Variants in DPYD observed in about 807,000 individuals in gnomAD.
DPYD encodes the protein dihydropyrimidine dehydrogenase, also known as dihydropyrimidine dehydrogenase [NADP(+)].
A neutral mutation model predicts 116.2 loss-of-function variants in DPYD; 109 were observed. The observed-to-expected ratio is 0.94, with a 90% CI of 0.80 to 1.10. The LOEUF is 1.10. DPYD is among the 50% of genes least tolerant of loss of function. The pLI is 0.00. For missense variants in DPYD, 1,302 were observed against 1,254.5 expected (o/e 1.04, Z -0.57); for synonymous variants, 440 against 432.0 (o/e 1.02, Z -0.23).
intron 18 of DPYD, 148 bp from the exon 19 acceptor site, chr1:97,235,142 AGTG>A: frequency 1.1e-6 from 1 of 888,634 alleles, no homozygotes; most frequent in Non-Finnish European, 1.8e-6. Flanking sequence ...ATACATATGT[AGTG>A]TATAAATGTT....
intron 14 of DPYD, among the ~76,000 whole-genome samples, chr1:97,436,392 T>G (rs1675474863): frequency 6.6e-6 from 1 of 152,044 alleles, no homozygotes; most frequent in African/African-American, 2.4e-5. Context: ...AAGCAATTTA[T>G]AAATTGTTTC....
At chr1:97,512,844 T>C (rs1647906679) in intron 13 of DPYD, among the ~76,000 whole-genome samples, 3 of 151,908 alleles carry the variant, frequency 2.0e-5, no homozygotes, top group African/African-American at 7.2e-5. Flanking sequence ...TTACTATCTT[T>C]ATAAAACATA....
chr1:97,583,096 G>A (rs1005657895), intron 10 of DPYD, among the ~76,000 whole-genome samples: 1 of 152,012 alleles, frequency 6.6e-6, no homozygotes, highest in African/African-American at 2.4e-5. Flanking sequence ...AGCCTCCCGA[G>A]TAGCTGGGAC....
chr1:97,832,058 TG>T (rs1480999626), intron 2 of DPYD, among the ~76,000 whole-genome samples: 1 of 148,820 alleles, frequency 6.7e-6, no homozygotes, highest in African/African-American at 2.5e-5. Context: ...TGTGTGTGTG[TG>T]TGTGTGTGTG....
chr1:97,458,014 T>A (rs192187189), intron 13 of DPYD, among the ~76,000 whole-genome samples: 1 of 152,314 alleles, frequency 6.6e-6, no homozygotes, highest in Admixed American at 6.5e-5. Flanking sequence ...AGGTTTTGGA[T>A]ACACTCTGCC....
intron 13 of DPYD, among the ~76,000 whole-genome samples, chr1:97,509,910 T>A (rs746605057): frequency 6.6e-6 from 1 of 151,952 alleles, no homozygotes; most frequent in South Asian, 2.1e-4. Flanking sequence ...ACTTTGGGCA[T>A]CAATTTAGTC....
chr1:97,876,045 G>A (rs1292034231), intron 2 of DPYD, among the ~76,000 whole-genome samples: 3 of 151,924 alleles, frequency 2.0e-5, no homozygotes, highest in Non-Finnish European at 4.4e-5. Context: ...CCAATTTTGA[G>A]TTAAATTAAC....
At chr1:97,696,367 A>ATTTT (rs1661306364) in intron 6 of DPYD, among the ~76,000 whole-genome samples, 1 of 152,152 alleles carries the variant, frequency 6.6e-6, no homozygotes, top group Non-Finnish European at 1.5e-5. Flanking sequence ...ATTTGAATGT[A>ATTTT]TAAATCTGTT....
At chr1:97,298,278 A>G (rs536081403) in intron 18 of DPYD, among the ~76,000 whole-genome samples, 6 of 152,216 alleles carry the variant, frequency 3.9e-5, no homozygotes, top group Non-Finnish European at 8.8e-5. Flanking sequence ...ACATTCTGAT[A>G]CATAAGGCCC....
chr1:97,584,145 T>G (rs1195764863), intron 10 of DPYD, among the ~76,000 whole-genome samples: 2 of 152,244 alleles, frequency 1.3e-5, no homozygotes, highest in Non-Finnish European at 2.9e-5. Context: ...GGTTTTGATT[T>G]GCATTTCTCT....
At chr1:97,505,303 G>A (rs1287281659) in intron 13 of DPYD, among the ~76,000 whole-genome samples, 1 of 151,788 alleles carries the variant, frequency 6.6e-6, no homozygotes, top group African/African-American at 2.4e-5. Context: ...AACCCCACAG[G>A]CCTTTCTCAC....
At chr1:97,721,388 C>A in intron 5 of DPYD, 122 bp downstream of exon 5, 1 of 1,203,318 alleles carries the variant, frequency 8.3e-7, no homozygotes. Flanking sequence ...ACAAAACATA[C>A]TTGAGCTGTG....
At chr1:97,505,134 AAG>A (rs1167826348) in intron 13 of DPYD, among the ~76,000 whole-genome samples, 1 of 152,034 alleles carries the variant, frequency 6.6e-6, no homozygotes, top group East Asian at 1.9e-4. Flanking sequence ...TTTGTCAGAA[AAG>A]AGAGTTTGTA....
intron 20 of DPYD, among the ~76,000 whole-genome samples, chr1:97,125,742 C>T (rs1652784682): frequency 6.6e-6 from 1 of 152,068 alleles, no homozygotes; most frequent in African/African-American, 2.4e-5. Flanking sequence ...CTTCCTCTTT[C>T]TACCATGTGA....
intron 12 of DPYD, chr1:97,545,878 A>G: frequency 9.3e-7 from 1 of 1,074,296 alleles, no homozygotes; most frequent in South Asian, 1.3e-5. Context: ...ACAGGTTTCT[A>G]ATCATAAGAA....
chr1:97,126,418 C>T (rs537760789), intron 20 of DPYD, among the ~76,000 whole-genome samples: 7 of 152,264 alleles, frequency 4.6e-5, no homozygotes, highest in Non-Finnish European at 7.4e-5. Context: ...CACACTCAAG[C>T]TTGTACCAAA....
chr1:97,510,818 G>T (rs1013949757), intron 13 of DPYD, among the ~76,000 whole-genome samples: 6 of 151,796 alleles, frequency 4.0e-5, no homozygotes, highest in Admixed American at 2.6e-4. Context: ...TGTGTCAAGA[G>T]ATCTTTCAGC....
At chr1:97,502,985 G>A (rs530691980) in intron 13 of DPYD, among the ~76,000 whole-genome samples, 1 of 151,994 alleles carries the variant, frequency 6.6e-6, no homozygotes, top group East Asian at 1.9e-4. Context: ...TTACAGAAGA[G>A]GTAACCCTCA....
intron 3 of DPYD, among the ~76,000 whole-genome samples, chr1:97,818,213 C>T (rs767169520): frequency 1.3e-5 from 2 of 151,964 alleles, no homozygotes; most frequent in African/African-American, 4.8e-5. Context: ...CTATCACTTG[C>T]AATATTAATT....
Sources: gnomAD v4.1 joint callset for allele counts (sites outside exome capture counted in the v4.1 genomes callset) on GRCh38, gnomAD v4.1.1 for gene constraint, MANE v1.5 for transcripts, NCBI Gene and HGNC (gene_info 2026-07-23, HGNC 2026-07-21) for gene names.